DENND5B: variants seen among roughly 807,000 people sequenced by gnomAD.
DENND5B encodes the protein DENN domain-containing protein 5B.
Under a neutral mutation model 140.6 loss-of-function variants are expected in DENND5B, and 34 were observed. The ratio of observed to expected loss-of-function variants is 0.24; its 90% CI spans 0.18 to 0.32. The LOEUF is 0.32. DENND5B is among the 10% of genes least tolerant of loss of function. The probability of loss-of-function intolerance (pLI) is 1.00; values close to 1 mark genes in which losing one functional copy is unlikely to be tolerated. For missense variants in DENND5B, 1,142 were observed against 1,560.2 expected, an observed-to-expected ratio of 0.73 and a Z score of 4.52; for synonymous variants, 551 against 562.1, an observed-to-expected ratio of 0.98 and a Z score of 0.28.
At chr12:31,419,913 CAGT>C in intron 11 of DENND5B, 1 of 621,274 alleles carries the variant, frequency 1.6e-6, no homozygotes, top group Non-Finnish European at 2.0e-6. Context: ...GTGGAGGTTG[CAGT>C]GAGCCAAGAC....
intron 17 of DENND5B, among the ~76,000 whole-genome samples, chr12:31,397,449 G>C (rs1941533635): frequency 6.7e-6 from 1 of 149,868 alleles, no homozygotes. Flanking sequence ...TTGGGAGGCT[G>C]AGGCAGGAGA....
chr12:31,571,385 A>C lies in DENND5B; in HGVS notation c.127+19321T>G, dbSNP rs1423589633. On this transcript the variant is annotated intron_variant, in intron 1 of 20. Coordinates refer to ENST00000389082, the MANE Select transcript of DENND5B (RefSeq NM_144973.4). ...AGTGTTTTCCCCTTTCCATAGAAAAAAAAATTTTAATAGATTATTTTAGCA... is the reference window on the plus strand; with the variant it reads ...AGTGTTTTCCCCTTTCCATAGAAAACAAAATTTTAATAGATTATTTTAGCA... Among the ~76,000 whole-genome samples, 7 of 152,274 alleles carry C rather than the reference A, an allele frequency of 4.6e-5. No homozygotes were observed. The East Asian group carries it at 1.2e-3, about 25-fold the overall frequency.
rs117765938 is a variant in DENND5B, at chr12:31,490,198, T to C, written c.237+5612A>G. Among the ~76,000 whole-genome samples, 789 of 146,810 alleles carry C rather than the reference T, an allele frequency of 5.4e-3. 4 individuals carry two copies. Among genetic ancestry groups the C allele is most frequent in the Non-Finnish European group, 9.0e-3 (604 of 67,432 alleles). ...AGTTTTGGATATGTTGCATTTGAGA[T>C]GCCAGTGAAATATTCTAGCTGCAAT... On this transcript the variant is annotated intron_variant, in intron 2 of 20. Coordinates refer to ENST00000389082, the MANE Select transcript of DENND5B (RefSeq NM_144973.4).
At position 31,386,617 on chromosome 12, in the gene DENND5B, A is replaced by C. The variant is rs1299997433; in HGVS notation, c.*986T>G. On this transcript the variant is annotated 3_prime_UTR_variant, in exon 21 of 21. Coordinates refer to ENST00000389082, the MANE Select transcript of DENND5B (RefSeq NM_144973.4). Reference sequence around the variant, plus strand: ...CACACACAGCCCTCCTCCTCCTTAGACATTCCTTCCATTTCCCGAGGGGGG... The same window carrying C: ...CACACACAGCCCTCCTCCTCCTTAGCCATTCCTTCCATTTCCCGAGGGGGG... 1 of 152,216 alleles carries C rather than the reference A, an allele frequency of 6.6e-6. No individual in the cohort carries two copies. The highest frequency in any genetic ancestry group is 2.4e-5 in the African/African-American group (1 of 41,438). The allele number at this position is 152,216 out of a possible 1,614,324, so 9.4% of individuals were successfully genotyped here.
intron 3 of DENND5B, among the ~76,000 whole-genome samples, chr12:31,474,133 G>A (rs1355884039): frequency 6.6e-6 from 1 of 152,166 alleles, no homozygotes; most frequent in East Asian, 1.9e-4. Flanking sequence ...ACAACTCAAA[G>A]AGGAATGAAA....
chr12:31,557,573 G>A (rs745558309), intron 1 of DENND5B, among the ~76,000 whole-genome samples: 17 of 151,868 alleles, frequency 1.1e-4, no homozygotes, highest in Middle Eastern at 3.4e-3. Context: ...GTAGAAACAG[G>A]GTTTCACCAT....
chr12:31,536,344 AT>A (rs1948492907), intron 1 of DENND5B, among the ~76,000 whole-genome samples: 1 of 152,180 alleles, frequency 6.6e-6, no homozygotes, highest in Admixed American at 6.5e-5. Flanking sequence ...GGAGTTCAGA[AT>A]TCTATCAGAA....
chr12:31,556,968 C>CA (rs769350702), intron 1 of DENND5B, among the ~76,000 whole-genome samples: 30 of 152,044 alleles, frequency 2.0e-4, no homozygotes, highest in African/African-American at 3.1e-4. Context: ...CTTAAAATAA[C>CA]AAAAAAATCA....
intron 2 of DENND5B, among the ~76,000 whole-genome samples, chr12:31,491,902 A>C (rs999900780): frequency 6.6e-6 from 1 of 152,224 alleles, no homozygotes; most frequent in Non-Finnish European, 1.5e-5. Flanking sequence ...GGAATGACTA[A>C]TATTACAGAA....
intron 11 of DENND5B, 30 bp downstream of exon 11, chr12:31,423,567 G>T: frequency 1.2e-6 from 2 of 1,607,892 alleles, no homozygotes; most frequent in East Asian, 2.2e-5. Flanking sequence ...AGAGTCCAGT[G>T]CTGCTAGTTC....
At chr12:31,581,534 C>CA (rs1030349427) in intron 1 of DENND5B, among the ~76,000 whole-genome samples, 7 of 150,170 alleles carry the variant, frequency 4.7e-5, no homozygotes, top group African/African-American at 9.8e-5. Context: ...ACTAAAAATA[C>CA]AAAAAAAAAT....
At chr12:31,555,206 T>A (rs982578561) in intron 1 of DENND5B, among the ~76,000 whole-genome samples, 1 of 152,210 alleles carries the variant, frequency 6.6e-6, no homozygotes, top group Non-Finnish European at 1.5e-5. Context: ...TGGACTTTGA[T>A]GATGGTGACG....
At chr12:31,427,126 C>T (rs975973649) in intron 8 of DENND5B, among the ~76,000 whole-genome samples, 10 of 152,104 alleles carry the variant, frequency 6.6e-5, no homozygotes. Flanking sequence ...CCCTACCTTG[C>T]CTTGTTCTAT....
At chr12:31,537,666 GAC>G (rs1948549149) in intron 1 of DENND5B, among the ~76,000 whole-genome samples, 1 of 151,760 alleles carries the variant, frequency 6.6e-6, no homozygotes, top group Non-Finnish European at 1.5e-5. Flanking sequence ...CCAATAAAAA[GAC>G]AGAGTGGCTG....
intron 1 of DENND5B, among the ~76,000 whole-genome samples, chr12:31,529,132 C>A (rs1334562410): frequency 1.4e-5 from 2 of 139,466 alleles, no homozygotes; most frequent in Non-Finnish European, 3.0e-5. Flanking sequence ...CACTAAACTC[C>A]AGCCTGCGCA....
chr12:31,513,429 C>T (rs1187853037), intron 1 of DENND5B, among the ~76,000 whole-genome samples: 1 of 152,150 alleles, frequency 6.6e-6, no homozygotes, highest in African/African-American at 2.4e-5. Context: ...ACGTATCTAC[C>T]TCTATCATTT....
At chr12:31,445,925 C>A (rs1400031758) in intron 6 of DENND5B, among the ~76,000 whole-genome samples, 1 of 151,352 alleles carries the variant, frequency 6.6e-6, no homozygotes, top group Non-Finnish European at 1.5e-5. Context: ...AGGAACATCA[C>A]CTGAGCCCAG....
At chr12:31,558,795 G>C (rs1383188203) in intron 1 of DENND5B, among the ~76,000 whole-genome samples, 1 of 152,134 alleles carries the variant, frequency 6.6e-6, no homozygotes, top group Non-Finnish European at 1.5e-5. Context: ...TTTAGCAAAT[G>C]AAAGTTTATT....
At chr12:31,389,566 T>C in intron 19 of DENND5B, 68 bp from the exon 20 acceptor site, 1 of 1,427,632 alleles carries the variant, frequency 7.0e-7, no homozygotes, top group Non-Finnish European at 9.5e-7. Context: ...GATTCATCAC[T>C]TAATTTATTA....
Sources: gnomAD v4.1 joint callset for allele counts (sites outside exome capture counted in the v4.1 genomes callset) on GRCh38, gnomAD v4.1.1 for gene constraint, MANE v1.5 for transcripts, NCBI Gene and HGNC (gene_info 2026-07-23, HGNC 2026-07-21) for gene names.